The following PRDM11 variants were observed in gnomAD, a reference collection of about 807,000 sequenced individuals.
The protein encoded by PRDM11 is PR domain-containing protein 11.
PRDM11 carries 20 observed loss-of-function variants against 97.8 expected under a neutral mutation model. The ratio of observed to expected loss-of-function variants is 0.20; its 90% CI spans 0.14 to 0.30. PRDM11 has a LOEUF of 0.30. Among genes scored for constraint, PRDM11 ranks in the 10% least tolerant of loss-of-function variants. The probability of loss-of-function intolerance (pLI) is 1.00; values close to 1 mark genes in which losing one functional copy is unlikely to be tolerated. For synonymous variants in PRDM11, 599 were observed against 637.7 expected (o/e 0.94, Z 0.91); for missense variants, 1,139 against 1,555.2 (o/e 0.73, Z 4.50).
chr11:45,098,019 ATCCCTTCAC>A (rs765771704), intron 1 of PRDM11, among the ~76,000 whole-genome samples: 124 of 151,990 alleles, frequency 8.2e-4, no homozygotes, highest in Non-Finnish European at 1.4e-3. Flanking sequence ...CCTGAAGCAA[ATCCCTTCAC>A]TCCCCAACTA....
At chr11:45,134,542 T>C (rs1332793276) in intron 1 of PRDM11, among the ~76,000 whole-genome samples, 1 of 150,150 alleles carries the variant, frequency 6.7e-6, no homozygotes, top group Non-Finnish European at 1.5e-5. Flanking sequence ...CTACAAAAAA[T>C]ACAAAAATTA....
intron 1 of PRDM11, among the ~76,000 whole-genome samples, chr11:45,112,202 C>G (rs1450732699): frequency 6.6e-6 from 1 of 152,208 alleles, no homozygotes; most frequent in Non-Finnish European, 1.5e-5. Flanking sequence ...CAATATTTGG[C>G]TCTCCATTCC....
At chr11:45,220,882 C>A (rs986021417) in intron 6 of PRDM11, among the ~76,000 whole-genome samples, 6 of 152,072 alleles carry the variant, frequency 3.9e-5, no homozygotes, top group African/African-American at 1.4e-4. Flanking sequence ...TGAGTCCAGG[C>A]CCTTCTTTCA....
chr11:45,113,236 T>C (rs1336598356), intron 1 of PRDM11, among the ~76,000 whole-genome samples: 2 of 152,204 alleles, frequency 1.3e-5, no homozygotes, highest in African/African-American at 4.8e-5. Flanking sequence ...CGTTTTTGTA[T>C]GCTTTATCAA....
At chr11:45,207,307 TA>T (rs1404156377) in intron 5 of PRDM11, among the ~76,000 whole-genome samples, 1 of 152,218 alleles carries the variant, frequency 6.6e-6, no homozygotes, top group Non-Finnish European at 1.5e-5. Flanking sequence ...GTTAGTTTCT[TA>T]ACAAAATTAA....
intron 1 of PRDM11, among the ~76,000 whole-genome samples, chr11:45,148,113 G>T (rs1483025724): frequency 6.6e-6 from 1 of 152,094 alleles, no homozygotes; most frequent in East Asian, 1.9e-4. Flanking sequence ...GTCTTTGCCC[G>T]CCGACTCTCT....
chr11:45,097,222 G>A (rs1851897711), intron 1 of PRDM11, among the ~76,000 whole-genome samples: 1 of 152,184 alleles, frequency 6.6e-6, no homozygotes, highest in African/African-American at 2.4e-5. Context: ...GCTCTCCTGA[G>A]TCCTCTCCCT....
intron 2 of PRDM11, 127 bp from the exon 3 acceptor site, chr11:45,182,119 G>C: frequency 1.2e-6 from 1 of 828,116 alleles, no homozygotes; most frequent in Non-Finnish European, 1.9e-6. Context: ...ACAGCAGGCT[G>C]GCTGGGACTC....
chr11:45,216,776 T>C (rs756974004), intron 5 of PRDM11, among the ~76,000 whole-genome samples: 13 of 152,228 alleles, frequency 8.5e-5, no homozygotes, highest in African/African-American at 1.7e-4. Flanking sequence ...ATATTGATTC[T>C]TGATGGATAG....
intron 1 of PRDM11, among the ~76,000 whole-genome samples, chr11:45,126,762 C>T (rs1413800515): frequency 6.6e-6 from 1 of 152,140 alleles, no homozygotes; most frequent in Non-Finnish European, 1.5e-5. Context: ...CTCTGGCTGC[C>T]CTTAACATTG....
intron 1 of PRDM11, among the ~76,000 whole-genome samples, chr11:45,116,875 A>G (rs1401067131): frequency 2.0e-5 from 3 of 152,076 alleles, no homozygotes; most frequent in Non-Finnish European, 2.9e-5. Flanking sequence ...GCAAGAAAGA[A>G]AAAAATACTC....
chr11:45,146,008 G>C (rs113024387), upstream of PRDM11, among the ~76,000 whole-genome samples: 2 of 152,288 alleles, frequency 1.3e-5, no homozygotes, highest in East Asian at 1.9e-4. Flanking sequence ...CCAGTTCTCA[G>C]AATCTCTCTC....
At chr11:45,197,437 T>C (rs1240698227) in intron 4 of PRDM11, among the ~76,000 whole-genome samples, 4 of 152,196 alleles carry the variant, frequency 2.6e-5, no homozygotes, top group African/African-American at 7.2e-5. Flanking sequence ...GCATAGAGCC[T>C]ATAGTTTACT....
chr11:45,196,501 C>A (rs1407866265), intron 4 of PRDM11, among the ~76,000 whole-genome samples: 1 of 152,164 alleles, frequency 6.6e-6, no homozygotes, highest in Non-Finnish European at 1.5e-5. Flanking sequence ...AGATAGGCAG[C>A]AAACTCCTGA....
intron 7 of PRDM11, among the ~76,000 whole-genome samples, chr11:45,225,432 A>G (rs1854250649): frequency 6.6e-6 from 1 of 152,202 alleles, no homozygotes; most frequent in African/African-American, 2.4e-5. Context: ...TCTAGTTCAT[A>G]TCTGCAGCTG....
intron 5 of PRDM11, among the ~76,000 whole-genome samples, chr11:45,210,993 G>T (rs142913114): frequency 2.4e-4 from 36 of 152,260 alleles, no homozygotes; most frequent in African/African-American, 8.7e-4. Context: ...ACCTGGGCTG[G>T]CAGGGAGCCC....
chr11:45,219,885 A>G lies in PRDM11; in HGVS notation c.742+128A>G. ...GGAAGACCCAGAGTGATTCGGGGGA[A>G]CAGATGGTTGAGGTCTGAGCAGCAG... On this transcript the variant is annotated intron_variant, in intron 6 of 7. Coordinates refer to ENST00000683152, the MANE Select transcript of PRDM11 (RefSeq NM_001384648.1). The surrounding 1 kb of genome is among the most constrained non-coding windows in gnomAD (Gnocchi z 4.2). 8.4e-7 allele frequency: 1 copy of G among 1,189,188 alleles called. No individual in the cohort carries two copies. Among genetic ancestry groups the G allele is most frequent in the African/African-American group, 1.5e-5 (1 of 65,160 alleles). The allele number at this position is 1,189,188 out of a possible 1,614,324, so 73.7% of individuals were successfully genotyped here.
intron 1 of PRDM11, among the ~76,000 whole-genome samples, chr11:45,123,820 C>T (rs1338191497): frequency 7.9e-5 from 12 of 151,888 alleles, no homozygotes; most frequent in South Asian, 2.1e-4. Flanking sequence ...ATTGACTTGG[C>T]GATGCAGGCT....
intron 2 of PRDM11, 42 bp downstream of exon 2, chr11:45,181,927 TG>T: frequency 6.4e-7 from 1 of 1,567,300 alleles, no homozygotes; most frequent in South Asian, 1.1e-5. Context: ...GAAGTGGGAG[TG>T]GGAGGTGCCT....
Sources: allele counts gnomAD v4.1 joint callset (sites outside exome capture counted in the v4.1 genomes callset), GRCh38; gene constraint gnomAD v4.1.1; non-coding constraint Gnocchi (gnomAD v3.1); transcripts MANE v1.5; gene names NCBI Gene and HGNC (gene_info 2026-07-23, HGNC 2026-07-21).